SDHA: variants seen among roughly 807,000 people sequenced by gnomAD.
SDHA encodes succinate dehydrogenase [ubiquinone] flavoprotein subunit, mitochondrial.
In SDHA, 48 loss-of-function variants were observed where a neutral mutation model predicts 78.4. That is an observed-to-expected ratio of 0.61 (90% CI 0.49 to 0.78). The LOEUF (loss-of-function observed/expected upper bound fraction) is 0.78, where lower values mean the gene tolerates loss of function less well. SDHA is among the 30% of genes least tolerant of loss of function. SDHA has a pLI of 0.00. For missense variants in SDHA, 680 were observed against 892.7 expected, an observed-to-expected ratio of 0.76 and a Z score of 3.04; for synonymous variants, 326 against 353.9, an observed-to-expected ratio of 0.92 and a Z score of 0.88.
In SDHA at chr5:231,578, A is replaced by G. The variant is rs1735401784; in HGVS notation, c.895+578A>G. Among the ~76,000 whole-genome samples the G allele has an allele frequency of 2.6e-5, 4 of 151,030 alleles. No individual in the cohort carries two copies. In the South Asian group the frequency reaches 8.4e-4, roughly 32 times the overall value. On this transcript the variant is annotated intron_variant, in intron 7 of 14. Transcript: ENST00000264932. Reference sequence around the variant, plus strand: ...CCGTCTCAAAAAAAAAAAAAAAAAAAGTAAAGCAGGGATTGTTCAGTGTCC... The same window carrying G: ...CCGTCTCAAAAAAAAAAAAAAAAAAGGTAAAGCAGGGATTGTTCAGTGTCC...
At chr5:262,161 AGAG>A in the SDHA span, among the ~76,000 whole-genome samples, 2 of 100,188 alleles carry the variant, frequency 2.0e-5, no homozygotes, top group Admixed American at 9.6e-5. Context: ...GCCTCCCGTC[AGAG>A]CATTACCGTG....
intron 11 of SDHA, among the ~76,000 whole-genome samples, chr5:240,744 A>G (rs28418643): frequency 0.24 from 36,518 of 151,778 alleles, 6,839 homozygotes; most frequent in African/African-American, 0.52. Context: ...TGTACTCACC[A>G]TTCAGCTTCC....
At chr5:247,154 A>G (rs1736515570) in intron 11 of SDHA, among the ~76,000 whole-genome samples, 1 of 152,174 alleles carries the variant, frequency 6.6e-6, no homozygotes. Context: ...CTTCAGCTCA[A>G]AAAGTGGAGC....
At chr5:235,520 T>G in intron 9 of SDHA, 181 bp downstream of exon 9, 1 of 670,618 alleles carries the variant, frequency 1.5e-6, no homozygotes, top group Non-Finnish European at 2.7e-6. Context: ...GCTTAATAAT[T>G]TATTCCTCCT....
intron 10 of SDHA, among the ~76,000 whole-genome samples, chr5:237,830 G>C: frequency 7.3e-6 from 1 of 137,506 alleles, no homozygotes; most frequent in Admixed American, 7.0e-5. Flanking sequence ...CAGACACTCT[G>C]TCTCTGGATC....
chr5:268,060 G>C, the SDHA span, among the ~76,000 whole-genome samples: 2 of 152,224 alleles, frequency 1.3e-5, no homozygotes, highest in Admixed American at 6.5e-5. Flanking sequence ...GTTTCTTAGA[G>C]GTCAGGGTTG....
intron 10 of SDHA, among the ~76,000 whole-genome samples, chr5:236,811 A>G (rs111686187): frequency 0.24 from 36,366 of 151,866 alleles, 6,789 homozygotes; most frequent in African/African-American, 0.52. Flanking sequence ...ACACCTGGCT[A>G]ATTTTTAAAA....
chr5:232,596 A>G (rs1735479857), intron 7 of SDHA, among the ~76,000 whole-genome samples: 1 of 152,178 alleles, frequency 6.6e-6, no homozygotes, highest in South Asian at 2.1e-4. Flanking sequence ...ATTTGCTTAG[A>G]GCTCCACTGC....
chr5:250,921 A>G lies in SDHA; in HGVS notation c.1552-71A>G, dbSNP rs1579437552. ...AAGTGAAATGCAAAACAACAGGTCT[A>G]AAAGTTAAGCAGTTCTTGGTATGGC... On this transcript the variant is annotated intron_variant, in intron 11 of 14. Coordinates refer to ENST00000264932, the MANE Select transcript of SDHA (RefSeq NM_004168.4). 6.1e-6 allele frequency: 8 copies of G among 1,303,366 alleles called. No individual in the cohort carries two copies. In the East Asian group the frequency reaches 6.9e-5, roughly 11 times the overall value. The allele number at this position is 1,303,366 out of a possible 1,614,324, so 80.7% of individuals were successfully genotyped here.
At position 257,030 on chromosome 5, in the gene SDHA, A is replaced by T. The variant is rs1477103715; in HGVS notation, c.*610A>T. Among the ~76,000 whole-genome samples the T allele has an allele frequency of 3.1e-5, 4 of 129,618 alleles. No homozygotes were observed. The highest frequency in any genetic ancestry group is 1.4e-4 in the African/African-American group (4 of 27,766). 85.0% of individuals were successfully genotyped at this position (129,618 alleles called of 152,430 possible). Reference sequence around the variant, plus strand: ...GTGTTGCCTAGGCTGGTCTCAAGTGATCCTCCCTCCTTGGCCTCCCAAGGT... The same window carrying T: ...GTGTTGCCTAGGCTGGTCTCAAGTGTTCCTCCCTCCTTGGCCTCCCAAGGT... On this transcript the variant is annotated 3_prime_UTR_variant, in exon 15 of 15. Transcript: ENST00000264932.
At position 254,889 on chromosome 5, in the gene SDHA, C is replaced by T. The variant is rs1402277088; in HGVS notation, c.1908+383C>T. On this transcript the variant is annotated intron_variant, in intron 14 of 14. Coordinates refer to ENST00000264932, the MANE Select transcript of SDHA (RefSeq NM_004168.4). ...AGAAACCAGTCCCACGTTAAGGGAG[C>T]CCAGAAGAGACACCTCCCCTCTCCT... Among the ~76,000 whole-genome samples, 3 of 151,958 alleles carry T rather than the reference C, an allele frequency of 2.0e-5. No homozygotes were observed. In the East Asian group the frequency reaches 5.8e-4, roughly 29 times the overall value.
At chr5:250,115 T>C (rs1579435892) in intron 11 of SDHA, 2 of 152,338 alleles carry the variant, frequency 1.3e-5, no homozygotes, top group African/African-American at 4.8e-5. Flanking sequence ...GATTCTGAGA[T>C]GCAATGTTTT....
rs1264135763 is a variant in SDHA at position 251,285 on chromosome 5, G to C, written c.1664-53G>C. 6 of 1,590,950 alleles carry C rather than the reference G, an allele frequency of 3.8e-6. No individual in the cohort carries two copies. The African/African-American group carries it at 8.1e-5, about 22-fold the overall frequency. ...GCAGGCCCAGGCTGACAGCTCGGAG[G>C]GCCCATGTGACTGGGTCCCGCCTGC... On this transcript the variant is annotated intron_variant, in intron 12 of 14. Coordinates refer to ENST00000264932, the MANE Select transcript of SDHA (RefSeq NM_004168.4).
chr5:231,919 G>A lies in SDHA; in HGVS notation c.895+919G>A, dbSNP rs561707450. 4.6e-5 allele frequency among the ~76,000 whole-genome samples: 7 copies of A among 152,272 alleles called. No homozygotes were observed. In the East Asian group the frequency reaches 7.7e-4, roughly 17 times the overall value. Reference sequence around the variant, plus strand: ...GGGAAGATGAGCTCGTCTTGGGGACGTCTGACGGTTGAGGTTACGAATGTG... The same window carrying A: ...GGGAAGATGAGCTCGTCTTGGGGACATCTGACGGTTGAGGTTACGAATGTG... On this transcript the variant is annotated intron_variant, in intron 7 of 14. Transcript: ENST00000264932.
chr5:223,629 A>G, intron 2 of SDHA, 61 bp downstream of exon 2: 1 of 1,294,338 alleles, frequency 7.7e-7, no homozygotes, highest in South Asian at 1.2e-5. Flanking sequence ...GTAAGGATCT[A>G]TACCAGTTTG....
chr5:251,887 G>T (rs1579440333), intron 13 of SDHA: 1 of 351,794 alleles, frequency 2.8e-6, no homozygotes, highest in Middle Eastern at 1.0e-3. Flanking sequence ...TGGAGGAAAT[G>T]CCAGTTTATT....
intron 11 of SDHA, among the ~76,000 whole-genome samples, chr5:241,375 T>C (rs989047011): frequency 3.9e-5 from 6 of 152,322 alleles, no homozygotes; most frequent in African/African-American, 1.2e-4. Flanking sequence ...ATGCCTGGCT[T>C]CCAGCAGCTC....
At chr5:258,592 G>A (rs1184888384), downstream of SDHA, among the ~76,000 whole-genome samples, 1 of 105,080 alleles carries the variant, frequency 9.5e-6, no homozygotes, top group Non-Finnish European at 1.9e-5. Flanking sequence ...GAGCATTACC[G>A]TGTGAGCTCC....
chr5:222,021 T>C (rs1159772152), intron 1 of SDHA, among the ~76,000 whole-genome samples: 2 of 152,010 alleles, frequency 1.3e-5, no homozygotes, highest in Admixed American at 6.5e-5. Context: ...GTGCTATTAC[T>C]ATGTTAATAG....
Sources: gnomAD v4.1 joint callset for allele counts (sites outside exome capture counted in the v4.1 genomes callset) on GRCh38, gnomAD v4.1.1 for gene constraint, MANE v1.5 for transcripts, NCBI Gene and HGNC (gene_info 2026-07-23, HGNC 2026-07-21) for gene names.